GABRA3: variants seen among roughly 807,000 people sequenced by gnomAD.
GABRA3 encodes the protein gamma-aminobutyric acid type A receptor subunit alpha3, also known as gamma-aminobutyric acid receptor subunit alpha-3.
A neutral mutation model predicts 30.1 loss-of-function variants in GABRA3; 10 were observed. The ratio of observed to expected loss-of-function variants is 0.33; its 90% CI spans 0.20 to 0.56. The LOEUF is 0.56. GABRA3 is among the 20% of genes least tolerant of loss of function. The pLI, the probability that GABRA3 is intolerant of heterozygous loss-of-function variation, is 0.89. For synonymous variants in GABRA3, 151 were observed against 146.8 expected (o/e 1.03, Z -0.21); for missense variants, 233 against 392.0 (o/e 0.59, Z 3.42).
At chrX:152,281,889 G>A (rs1461045582) in intron 4 of GABRA3, among the ~76,000 whole-genome samples, 1 of 112,249 alleles carries the variant, frequency 8.9e-6, no homozygotes, top group Non-Finnish European at 1.9e-5. Flanking sequence ...GCTAAGTGGA[G>A]GAAGACAGTC....
chrX:152,233,381 G>A (rs759808832), intron 5 of GABRA3, among the ~76,000 whole-genome samples: 105 of 110,563 alleles, frequency 9.5e-4, no homozygotes, highest in African/African-American at 2.9e-3. Context: ...CAAAAAGTGC[G>A]CGAAGGACAT....
At position 152,210,462 on chromosome X, in the gene GABRA3, C is replaced by T. The variant is rs1182672274; in HGVS notation, c.635-2318G>A. 3.7e-4 allele frequency among the ~76,000 whole-genome samples: 41 copies of T among 111,700 alleles called. 1 individual carries two copies. On this transcript the variant is annotated intron_variant, in intron 6 of 9. Coordinates refer to ENST00000370314, the MANE Select transcript of GABRA3 (RefSeq NM_000808.4). ...ATGATTACTGGCAACTGATACTATA[C>T]TCCCTTTTCAGGGAGCAAGGTGAAA... is the stretch of plus-strand genomic sequence containing the variant.
In GABRA3 at chrX:152,387,337, C is replaced by A. The variant is rs183961076; in HGVS notation, c.-26-22741G>T. Reference sequence around the variant, plus strand: ...CACAAAGGAAAATCATGATTCCATTCATATAAAGTTCAAAAACAGCAAAAC... The same window carrying A: ...CACAAAGGAAAATCATGATTCCATTAATATAAAGTTCAAAAACAGCAAAAC... On this transcript the variant is annotated intron_variant, in intron 1 of 9. Coordinates refer to ENST00000370314, the MANE Select transcript of GABRA3 (RefSeq NM_000808.4). Among the ~76,000 whole-genome samples, 479 of 111,065 alleles carry A rather than the reference C, an allele frequency of 4.3e-3. 2 individuals are homozygous for A. Among genetic ancestry groups the A allele is most frequent in the African/African-American group, 0.015 (464 of 30,576 alleles).
intron 4 of GABRA3, among the ~76,000 whole-genome samples, chrX:152,273,399 G>T (rs1023048059): frequency 8.9e-6 from 1 of 111,842 alleles, no homozygotes; most frequent in African/African-American, 3.2e-5. Context: ...AAATATTAAA[G>T]ATAGAACTAC....
intron 5 of GABRA3, among the ~76,000 whole-genome samples, chrX:152,232,240 G>A (rs1200821147): frequency 9.1e-6 from 1 of 110,106 alleles, no homozygotes; most frequent in African/African-American, 3.3e-5. Flanking sequence ...TTTCTTTTTA[G>A]AAAGCATGCT....
Position 152,448,078 on chromosome X carries a change from A to T in GABRA3, c.-27+3068T>A, listed in dbSNP as rs1165121908. Reference sequence around the variant, plus strand: ...ATTCATGGTTAATTTATTTTACTAAATTAACAGTCTTCTGTGATGGATTAG... The same window carrying T: ...ATTCATGGTTAATTTATTTTACTAATTTAACAGTCTTCTGTGATGGATTAG... On this transcript the variant is annotated intron_variant, in intron 1 of 9. Transcript: ENST00000370314. Among the ~76,000 whole-genome samples, 3 of 112,420 alleles carry T rather than the reference A, an allele frequency of 2.7e-5. No individual in the cohort carries two copies. The East Asian group carries it at 8.4e-4, about 31-fold the overall frequency.
intron 6 of GABRA3, among the ~76,000 whole-genome samples, 183 bp downstream of exon 6, chrX:152,224,580 G>A (rs1332613010): frequency 2.7e-5 from 3 of 111,442 alleles, no homozygotes. Flanking sequence ...CTTGTTAAAG[G>A]CTAAGTCTCC....
At chrX:152,194,840 G>A (rs6653470) in intron 8 of GABRA3, among the ~76,000 whole-genome samples, 1 of 110,256 alleles carries the variant, frequency 9.1e-6, no homozygotes, top group Admixed American at 9.7e-5. Flanking sequence ...GCTCATGGCA[G>A]CCTCAACCTC....
At chrX:152,278,081 T>C (rs938894414) in intron 4 of GABRA3, among the ~76,000 whole-genome samples, 1 of 112,311 alleles carries the variant, frequency 8.9e-6, no homozygotes, top group Non-Finnish European at 1.9e-5. Flanking sequence ...ACATAATTGA[T>C]ACGTTATTTC....
intron 3 of GABRA3, among the ~76,000 whole-genome samples, chrX:152,327,791 A>T (rs1463597813): frequency 8.9e-6 from 1 of 111,838 alleles, no homozygotes; most frequent in Non-Finnish European, 1.9e-5. Flanking sequence ...AATTAAAAGA[A>T]CTAGAGAAGT....
chrX:152,328,992 T>C (rs1940115596), intron 3 of GABRA3, among the ~76,000 whole-genome samples: 1 of 112,201 alleles, frequency 8.9e-6, no homozygotes, highest in Non-Finnish European at 1.9e-5. Flanking sequence ...GATAAGCAAC[T>C]TCAGCAAAGT....
chrX:152,302,067 A>G (rs372897978), intron 3 of GABRA3, among the ~76,000 whole-genome samples: 87 of 111,846 alleles, frequency 7.8e-4, no homozygotes, highest in Middle Eastern at 9.2e-3. Context: ...AAGACAATAT[A>G]TGAATTAGAA....
chrX:152,328,847 C>A (rs867136950), intron 3 of GABRA3, among the ~76,000 whole-genome samples: 7 of 111,480 alleles, frequency 6.3e-5, no homozygotes, highest in Non-Finnish European at 1.1e-4. Flanking sequence ...AAGTTCTGGC[C>A]AGGGCAATCA....
intron 8 of GABRA3, among the ~76,000 whole-genome samples, chrX:152,191,397 C>T (rs1007993289): frequency 2.7e-5 from 3 of 109,698 alleles, no homozygotes; most frequent in African/African-American, 1.0e-4. Context: ...CTCCATTTTG[C>T]CCATCTATGA....
chrX:152,440,153 C>T (rs1215050407), intron 1 of GABRA3, among the ~76,000 whole-genome samples: 1 of 111,998 alleles, frequency 8.9e-6, no homozygotes, highest in African/African-American at 3.2e-5. Context: ...CCAGAATCTA[C>T]AAAGAACTTA....
intron 1 of GABRA3, among the ~76,000 whole-genome samples, chrX:152,419,537 A>C (rs1170157542): frequency 9.0e-6 from 1 of 111,081 alleles, no homozygotes; most frequent in Non-Finnish European, 1.9e-5. Flanking sequence ...TTCTTTGAAA[A>C]CATAACTTAA....
At chrX:152,238,849 T>C (rs1183762521) in intron 5 of GABRA3, among the ~76,000 whole-genome samples, 3 of 110,393 alleles carry the variant, frequency 2.7e-5, no homozygotes, top group African/African-American at 9.9e-5. Flanking sequence ...ATCCCCTTTA[T>C]CATTTTTTAT....
At chrX:152,284,326 A>G (rs1267519345) in intron 4 of GABRA3, among the ~76,000 whole-genome samples, 1 of 111,543 alleles carries the variant, frequency 9.0e-6, no homozygotes, top group Non-Finnish European at 1.9e-5. Flanking sequence ...TTCTCTCCTC[A>G]TATGACCTAC....
chrX:152,184,986 G>A (rs1937233562), intron 9 of GABRA3, among the ~76,000 whole-genome samples: 1 of 110,520 alleles, frequency 9.0e-6, no homozygotes, highest in Admixed American at 9.7e-5. Flanking sequence ...TTTATCTAAT[G>A]CCTGATCATA....
Sources: allele counts gnomAD v4.1 joint callset (sites outside exome capture counted in the v4.1 genomes callset), GRCh38; gene constraint gnomAD v4.1.1; transcripts MANE v1.5; gene names NCBI Gene and HGNC (gene_info 2026-07-23, HGNC 2026-07-21).